ICA1L: variants seen among roughly 807,000 people sequenced by gnomAD.
The protein encoded by ICA1L is islet cell autoantigen 1 like.
A neutral mutation model predicts 61.3 loss-of-function variants in ICA1L; 50 were observed. That is an observed-to-expected ratio of 0.82 (90% CI 0.65 to 1.03). ICA1L has a LOEUF of 1.03. Ranked by LOEUF, ICA1L falls within the 50% of genes least tolerant of loss-of-function variation. The pLI, the probability that ICA1L is intolerant of heterozygous loss-of-function variation, is 0.00. For synonymous variants in ICA1L, 161 were observed against 191.3 expected (o/e 0.84, Z 1.31); for missense variants, 508 against 556.7 (o/e 0.91, Z 0.88).
Position 202,811,745 on chromosome 2 carries a change from C to T in ICA1L, c.910+1G>A. 6.3e-7 allele frequency: 1 copy of T among 1,593,676 alleles called. No homozygotes were observed. The highest frequency in any genetic ancestry group is 8.6e-7 in the Non-Finnish European group (1 of 1,163,802). On this transcript the variant is annotated splice_donor_variant, in intron 9 of 12. Transcript: ENST00000358299. LOFTEE classifies it high-confidence loss of function. The stretch of plus-strand genomic sequence containing the variant: ...TCAAAGTAATAAATTTACCATCTTA[C>T]CTTGTTCACTCTCAAAGCTTGCTTC...
chr2:202,773,904 AG>A lies in ICA1L; in HGVS notation c.*5628del. The A allele has an allele frequency of 8.0e-7, 1 of 1,249,706 alleles. No homozygotes were observed. Among genetic ancestry groups the A allele is most frequent in the African/African-American group, 1.5e-5 (1 of 67,680 alleles). 77.4% of individuals were successfully genotyped at this position (1,249,706 alleles called of 1,614,324 possible). ...TCCTGCTAAATAAACCAGTGGAATAAGAACAGTCAACGTAGAAAGAGACAGA... is the reference window on the plus strand; with the variant it reads ...TCCTGCTAAATAAACCAGTGGAATAAAACAGTCAACGTAGAAAGAGACAGA... On this transcript the variant is annotated 3_prime_UTR_variant, in exon 13 of 13. Coordinates refer to ENST00000358299, the MANE Select transcript of ICA1L (RefSeq NM_001288622.3).
intron 12 of ICA1L, among the ~76,000 whole-genome samples, chr2:202,779,969 C>T (rs1692348628): frequency 6.6e-6 from 1 of 151,544 alleles, no homozygotes; most frequent in African/African-American, 2.4e-5. Context: ...AAGGCAAATG[C>T]ATATAACTTG....
intron 1 of ICA1L, among the ~76,000 whole-genome samples, chr2:202,856,494 G>A (rs1322653890): frequency 6.6e-6 from 1 of 151,982 alleles, no homozygotes; most frequent in Non-Finnish European, 1.5e-5. Context: ...AATAATAAAA[G>A]CTATTTAAAA....
At chr2:202,782,413 G>T (rs112440397) in intron 12 of ICA1L, among the ~76,000 whole-genome samples, 83,759 of 149,416 alleles carry the variant, frequency 0.56, 23,708 homozygotes, top group Middle Eastern at 0.73. Flanking sequence ...TTTGTTTTTG[G>T]TTTTTTTTTT....
In ICA1L at chr2:202,823,056, G is replaced by T. The variant is rs200660041; in HGVS notation, c.236-1575C>A. On this transcript the variant is annotated intron_variant, in intron 3 of 12. Transcript: ENST00000358299. ...AGAAAATATTCATTTGGGTATGGTGGTTCAGAAAGCACTTTGAGTACTTGG... is the reference window on the plus strand; with the variant it reads ...AGAAAATATTCATTTGGGTATGGTGTTTCAGAAAGCACTTTGAGTACTTGG... Among the ~76,000 whole-genome samples the T allele has an allele frequency of 3.3e-5, 5 of 152,298 alleles. No individual in the cohort carries two copies. In the East Asian group the frequency reaches 9.6e-4, roughly 29 times the overall value.
At chr2:202,824,326 G>A (rs1471439530) in intron 3 of ICA1L, among the ~76,000 whole-genome samples, 2 of 152,036 alleles carry the variant, frequency 1.3e-5, no homozygotes, top group Non-Finnish European at 2.9e-5. Flanking sequence ...CTTGAACCTG[G>A]GAGGCGGAGG....
At position 202,779,554 on chromosome 2, in the gene ICA1L, A is replaced by G; in HGVS notation, c.1428T>C (p.Asp476=). ...TCAGTCAAGCATTAAGAAGTTCATC[A>G]TCTGAGTGTCCAATAGCATCTGGGT... ...LSNPDAIGHS[D]DELLNA is the part of the protein sequence containing the mutation. Residue 476 remains aspartate, a synonymous_variant, in exon 13 of 13, where the codon GAT becomes GAC. Coordinates refer to ENST00000358299, the MANE Select transcript of ICA1L (RefSeq NM_001288622.3). The G allele has an allele frequency of 6.2e-7, 1 of 1,607,996 alleles. No homozygotes were observed.
intron 1 of ICA1L, among the ~76,000 whole-genome samples, chr2:202,834,780 T>A (rs1202265044): frequency 2.0e-5 from 3 of 152,246 alleles, no homozygotes; most frequent in African/African-American, 7.2e-5. Flanking sequence ...TTCTTTTTCA[T>A]TAAATTTACA....
chr2:202,853,794 G>A (rs1002564091), intron 1 of ICA1L, among the ~76,000 whole-genome samples: 6 of 152,092 alleles, frequency 3.9e-5, no homozygotes, highest in Non-Finnish European at 7.4e-5. Flanking sequence ...GCCAAACTAA[G>A]CTTCATAAGC....
In ICA1L at chr2:202,788,748, G is replaced by A. The variant is rs565913053; in HGVS notation, c.1243+82C>T. 12 of 1,400,902 alleles carry A rather than the reference G, an allele frequency of 8.6e-6. No individual in the cohort carries two copies. The Admixed American group carries it at 1.7e-4, about 19-fold the overall frequency. The allele number at this position is 1,400,902 out of a possible 1,614,324, so 86.8% of individuals were successfully genotyped here. ...GACATTAAAATCAATCTGCTTGTTG[G>A]TTCTAGCATCAATAAGCACACCATT... On this transcript the variant is annotated intron_variant, in intron 11 of 12. Coordinates refer to ENST00000358299, the MANE Select transcript of ICA1L (RefSeq NM_001288622.3).
intron 1 of ICA1L, among the ~76,000 whole-genome samples, chr2:202,859,541 C>T (rs755128536): frequency 6.6e-6 from 1 of 152,124 alleles, no homozygotes; most frequent in Non-Finnish European, 1.5e-5. Context: ...AATTCAATTA[C>T]ATTAAATGCA....
intron 1 of ICA1L, among the ~76,000 whole-genome samples, chr2:202,835,712 A>T (rs987003008): frequency 4.0e-5 from 6 of 148,274 alleles, no homozygotes; most frequent in African/African-American, 1.5e-4. Flanking sequence ...CACCTGGCTA[A>T]TTTTTTTTTT....
Position 202,825,761 on chromosome 2 carries a change from GA to G in ICA1L, c.168del (p.His57ThrfsTer11). 6.4e-7 allele frequency: 1 copy of G among 1,554,698 alleles called. No individual in the cohort carries two copies. Among genetic ancestry groups the G allele is most frequent in the Non-Finnish European group, 8.7e-7 (1 of 1,146,070 alleles). On this transcript the variant is annotated frameshift_variant, in exon 3 of 13. Transcript: ENST00000358299. LOFTEE classifies it high-confidence loss of function. ...TCAGTGCATGTCTCTTGAACAGAGT[GA>G]AAAACCTTGAGATATAAATTTTATT... ...DAELDAKLEV[F>X]HSVQETCTEL...
chr2:202,806,167 C>A (rs768484660), intron 9 of ICA1L, among the ~76,000 whole-genome samples: 2 of 152,160 alleles, frequency 1.3e-5, no homozygotes, highest in Non-Finnish European at 2.9e-5. Flanking sequence ...CCAGGCAGTG[C>A]AGCTTACAGC....
chr2:202,810,029 T>C (rs2105841919), intron 9 of ICA1L, among the ~76,000 whole-genome samples: 1 of 152,248 alleles, frequency 6.6e-6, no homozygotes, highest in Middle Eastern at 3.4e-3. Flanking sequence ...CAAAGAAGAC[T>C]ACCTCAAGGC....
chr2:202,783,260 T>C (rs1410969743), intron 12 of ICA1L, among the ~76,000 whole-genome samples: 1 of 152,170 alleles, frequency 6.6e-6, no homozygotes, highest in African/African-American at 2.4e-5. Flanking sequence ...AAACAAACCA[T>C]TTGCAGTATT....
chr2:202,802,371 T>C (rs1047290070), intron 9 of ICA1L, among the ~76,000 whole-genome samples: 1 of 151,646 alleles, frequency 6.6e-6, no homozygotes, highest in African/African-American at 2.4e-5. Flanking sequence ...AAGCAGAAAA[T>C]AGAGAAAATG....
At chr2:202,841,064 G>C (rs1971819) in intron 1 of ICA1L, 529,205 of 642,904 alleles carry the variant, frequency 0.82, 219,065 homozygotes, top group East Asian at 0.92. Flanking sequence ...ATGTGTCCAA[G>C]ATCTGGGACT....
At chr2:202,813,075 A>T (rs1693425615) in intron 8 of ICA1L, among the ~76,000 whole-genome samples, 1 of 152,102 alleles carries the variant, frequency 6.6e-6, no homozygotes, top group Non-Finnish European at 1.5e-5. Context: ...CCTGGCCAAC[A>T]TAGTGAAACT....
Sources: allele counts gnomAD v4.1 joint callset (sites outside exome capture counted in the v4.1 genomes callset), GRCh38; gene constraint gnomAD v4.1.1; transcripts MANE v1.5; gene names NCBI Gene and HGNC (gene_info 2026-07-23, HGNC 2026-07-21).